The following DTNA variants were observed in gnomAD, a reference collection of about 807,000 sequenced individuals.
DTNA encodes the protein dystrobrevin alpha.
A neutral mutation model predicts 100.7 loss-of-function variants in DTNA; 43 were observed. The observed-to-expected ratio is 0.43, with a 90% CI of 0.33 to 0.55. DTNA has a LOEUF of 0.55. Ranked by LOEUF, DTNA falls within the 20% of genes least tolerant of loss-of-function variation. The probability of loss-of-function intolerance (pLI) is 0.04; values close to 1 mark genes in which losing one functional copy is unlikely to be tolerated. For missense variants in DTNA, 798 were observed against 953.9 expected (o/e 0.84, Z 2.15); for synonymous variants, 349 against 347.9 (o/e 1.00, Z -0.04).
chr18:34,634,620 G>A (rs867921558), intron 1 of DTNA, among the ~76,000 whole-genome samples: 6 of 152,130 alleles, frequency 3.9e-5, no homozygotes, highest in Middle Eastern at 3.4e-3. Flanking sequence ...AAAGGCAAGA[G>A]CATTTTCATA....
intron 1 of DTNA, among the ~76,000 whole-genome samples, chr18:34,530,002 T>C (rs528179458): frequency 3.3e-5 from 5 of 152,278 alleles, no homozygotes; most frequent in South Asian, 2.1e-4. Flanking sequence ...TACATAGATA[T>C]GATAGTGTGT....
intron 3 of DTNA, among the ~76,000 whole-genome samples, chr18:34,785,275 T>C (rs2094471677): frequency 6.6e-6 from 1 of 152,168 alleles, no homozygotes; most frequent in Non-Finnish European, 1.5e-5. Flanking sequence ...CTCTCATGGA[T>C]TTATAACATC....
intron 1 of DTNA, among the ~76,000 whole-genome samples, chr18:34,596,172 A>G (rs79218430): frequency 1.3e-3 from 200 of 152,228 alleles, no homozygotes; most frequent in African/African-American, 4.3e-3. Context: ...AATCTTCACC[A>G]TCTTACTAAA....
chr18:34,553,099 G>A (rs1426065643), intron 1 of DTNA, among the ~76,000 whole-genome samples: 1 of 150,092 alleles, frequency 6.7e-6, no homozygotes, highest in Non-Finnish European at 1.5e-5. Flanking sequence ...ATCTCATTGT[G>A]GTTTTGATTT....
At chr18:34,706,500 C>T (rs35784504), upstream of DTNA, among the ~76,000 whole-genome samples, 7,439 of 151,856 alleles carry the variant, frequency 0.049, 292 homozygotes, top group Non-Finnish European at 0.077. Flanking sequence ...AATTTTTAAA[C>T]ACATGAAAAA....
chr18:34,779,065 T>C (rs2094198037), intron 3 of DTNA, among the ~76,000 whole-genome samples: 1 of 152,066 alleles, frequency 6.6e-6, no homozygotes, highest in East Asian at 1.9e-4. Context: ...TCTGCAAATA[T>C]GTATGGATCA....
rs185814921 is a variant in DTNA at position 34,850,502 on chromosome 18, C to T, written c.1435-1329C>T. Among the ~76,000 whole-genome samples the T allele has an allele frequency of 3.2e-3, 490 of 152,286 alleles. 2 individuals are homozygous for T. The highest frequency in any genetic ancestry group is 0.015 in the South Asian group (71 of 4,824). ...AGAGGTGTAAATTAAAATGCATAGA[C>T]AGCTTTATAAAAGCAAAACCTTTAC... On this transcript the variant is annotated intron_variant, in intron 14 of 22. Transcript: ENST00000444659.
At chr18:34,502,115 A>G (rs1249462290) in intron 1 of DTNA, among the ~76,000 whole-genome samples, 1 of 152,198 alleles carries the variant, frequency 6.6e-6, no homozygotes, top group Admixed American at 6.5e-5. Flanking sequence ...AAGTTGATTC[A>G]GGAATTGTTC....
Position 34,795,221 on chromosome 18 carries a change from C to T in DTNA, c.362+971C>T, listed in dbSNP as rs192033787. Among the ~76,000 whole-genome samples, 39 of 152,292 alleles carry T rather than the reference C, an allele frequency of 2.6e-4. 1 individual carries two copies. In the East Asian group the frequency reaches 2.7e-3, roughly 11 times the overall value. ...GCCAATGCCTGGAAGTATTTACCCC[C>T]GCAGTGGAGATGTTCCAGCCAGGCT... On this transcript the variant is annotated intron_variant, in intron 4 of 22. Transcript: ENST00000444659.
At chr18:34,580,913 G>C (rs533325347) in intron 1 of DTNA, among the ~76,000 whole-genome samples, 1 of 152,180 alleles carries the variant, frequency 6.6e-6, no homozygotes, top group Non-Finnish European at 1.5e-5. Flanking sequence ...TGGGGCCTCA[G>C]TATTCTAATC....
chr18:34,684,194 A>G (rs997518441), intron 1 of DTNA, among the ~76,000 whole-genome samples: 5 of 152,108 alleles, frequency 3.3e-5, no homozygotes, highest in African/African-American at 1.2e-4. Flanking sequence ...ACATATGCAG[A>G]ACGTGCAAGT....
chr18:34,518,835 AGGT>A (rs2041911922), intron 1 of DTNA, among the ~76,000 whole-genome samples: 1 of 151,722 alleles, frequency 6.6e-6, no homozygotes, highest in African/African-American at 2.4e-5. Context: ...ATAGTGGGGG[AGGT>A]ACATATAGCA....
intron 1 of DTNA, among the ~76,000 whole-genome samples, chr18:34,696,489 A>G (rs1479295900): frequency 6.6e-6 from 1 of 152,154 alleles, no homozygotes; most frequent in African/African-American, 2.4e-5. Flanking sequence ...GAGGCAAGAG[A>G]ATCACTTGAA....
chr18:34,660,741 C>T (rs2075069074), intron 1 of DTNA, among the ~76,000 whole-genome samples: 1 of 152,154 alleles, frequency 6.6e-6, no homozygotes, highest in Non-Finnish European at 1.5e-5. Flanking sequence ...GATTCCAGGT[C>T]TTTAGACAAT....
At chr18:34,747,675 A>AT (rs371381632) in intron 1 of DTNA, among the ~76,000 whole-genome samples, 1 of 152,234 alleles carries the variant, frequency 6.6e-6, no homozygotes, top group East Asian at 1.9e-4. Context: ...ACATTATTTC[A>AT]TTTTTTTATG....
At chr18:34,608,623 A>G (rs1211668922) in intron 1 of DTNA, among the ~76,000 whole-genome samples, 1 of 152,028 alleles carries the variant, frequency 6.6e-6, no homozygotes, top group Non-Finnish European at 1.5e-5. Context: ...AAATCACAAG[A>G]GCAGATTCAG....
chr18:34,658,018 G>A (rs1306718318), intron 1 of DTNA, among the ~76,000 whole-genome samples: 1 of 152,196 alleles, frequency 6.6e-6, no homozygotes, highest in African/African-American at 2.4e-5. Flanking sequence ...CAGGAGAATT[G>A]GCTGACTTCA....
At chr18:34,727,376 A>G (rs941029822) in intron 1 of DTNA, among the ~76,000 whole-genome samples, 1 of 152,194 alleles carries the variant, frequency 6.6e-6, no homozygotes, top group Non-Finnish European at 1.5e-5. Context: ...TAAAATGGAA[A>G]TATTTTTGGC....
chr18:34,710,728 A>T (rs1473875525), intron 1 of DTNA, among the ~76,000 whole-genome samples: 1 of 151,932 alleles, frequency 6.6e-6, no homozygotes, highest in Non-Finnish European at 1.5e-5. Context: ...ACTGCAAAGG[A>T]AGTAATAAGA....
Sources: gnomAD v4.1 joint callset for allele counts (sites outside exome capture counted in the v4.1 genomes callset) on GRCh38, gnomAD v4.1.1 for gene constraint, MANE v1.5 for transcripts, NCBI Gene and HGNC (gene_info 2026-07-23, HGNC 2026-07-21) for gene names.